DPP10: variants seen among roughly 807,000 people sequenced by gnomAD.
The protein encoded by DPP10 is dipeptidyl peptidase like 10, also known as inactive dipeptidyl peptidase 10.
In DPP10, 33 loss-of-function variants were observed where a neutral mutation model predicts 120.9. That is an observed-to-expected ratio of 0.27 (90% CI 0.21 to 0.37). DPP10 has a LOEUF of 0.37. DPP10 is among the 10% of genes least tolerant of loss of function. The pLI is 1.00. For missense variants in DPP10, 816 were observed against 942.8 expected (o/e 0.87, Z 1.76); for synonymous variants, 337 against 326.1 (o/e 1.03, Z -0.36).
intron 1 of DPP10, chr2:115,050,261 T>G (rs1364117728): frequency 2.0e-5 from 3 of 152,200 alleles, no homozygotes; most frequent in Non-Finnish European, 4.4e-5. Flanking sequence ...TTACCCTGGT[T>G]CCATCCCATA....
At position 115,246,523 on chromosome 2, in the gene DPP10, G is replaced by A. The variant is rs75239879; in HGVS notation, c.61-62716G>A. Among the ~76,000 whole-genome samples the A allele has an allele frequency of 4.3e-3, 652 of 152,268 alleles. 5 individuals carry two copies. Among genetic ancestry groups the A allele is most frequent in the African/African-American group, 0.012 (498 of 41,564 alleles). On this transcript the variant is annotated intron_variant, in intron 1 of 25. Coordinates refer to ENST00000410059, the MANE Select transcript of DPP10 (RefSeq NM_020868.6). Reference sequence around the variant, plus strand: ...ATCAGTGTGAACAAATGTATGGGCCGTAAGTGGCCTCACAGAGACAGGAGA... The same window carrying A: ...ATCAGTGTGAACAAATGTATGGGCCATAAGTGGCCTCACAGAGACAGGAGA...
intron 5 of DPP10, among the ~76,000 whole-genome samples, chr2:115,685,836 A>G (rs912263313): frequency 4.6e-5 from 7 of 152,028 alleles, no homozygotes; most frequent in Non-Finnish European, 8.8e-5. Context: ...TGGCAGGACT[A>G]AAATATGTCT....
At chr2:114,753,383 C>G (rs536730260) in intron 1 of DPP10, among the ~76,000 whole-genome samples, 1 of 152,082 alleles carries the variant, frequency 6.6e-6, no homozygotes, top group African/African-American at 2.4e-5. Context: ...TTATTTAGCC[C>G]GTATGAGCCT....
chr2:114,473,496 C>T (rs1206228817), intron 1 of DPP10, among the ~76,000 whole-genome samples: 1 of 152,114 alleles, frequency 6.6e-6, no homozygotes, highest in Non-Finnish European at 1.5e-5. Flanking sequence ...TTTTGAAGAT[C>T]AGTTTGTTTG....
intron 5 of DPP10, among the ~76,000 whole-genome samples, chr2:115,573,562 G>A (rs541812194): frequency 1.6e-4 from 24 of 146,568 alleles, no homozygotes; most frequent in Non-Finnish European, 3.1e-4. Context: ...GATTACAGGC[G>A]TGAGCCACTG....
intron 1 of DPP10, among the ~76,000 whole-genome samples, chr2:114,851,069 A>G (rs1479788653): frequency 1.3e-5 from 2 of 152,156 alleles, no homozygotes; most frequent in Non-Finnish European, 2.9e-5. Context: ...TTAATTTCGT[A>G]CCTTGACTCA....
intron 1 of DPP10, among the ~76,000 whole-genome samples, chr2:115,169,352 C>A (rs1215281151): frequency 6.6e-6 from 1 of 152,022 alleles, no homozygotes; most frequent in Non-Finnish European, 1.5e-5. Flanking sequence ...AGGATATTTT[C>A]TTCTTTTACA....
intron 5 of DPP10, among the ~76,000 whole-genome samples, chr2:115,612,266 G>T (rs2084163937): frequency 6.6e-6 from 1 of 152,062 alleles, no homozygotes; most frequent in South Asian, 2.1e-4. Flanking sequence ...ATGAGCATTT[G>T]GTGGCTATTT....
intron 1 of DPP10, among the ~76,000 whole-genome samples, chr2:114,608,531 A>G (rs145415099): frequency 8.0e-4 from 122 of 152,262 alleles, no homozygotes; most frequent in African/African-American, 2.9e-3. Context: ...CACAACCCTA[A>G]GATATAAATA....
At chr2:114,957,719 TAAAGAA>T (rs1374170521) in intron 1 of DPP10, among the ~76,000 whole-genome samples, 1 of 152,190 alleles carries the variant, frequency 6.6e-6, no homozygotes, top group African/African-American at 2.4e-5. Context: ...AATGAATGGA[TAAAGAA>T]AATGTAGTGT....
intron 1 of DPP10, among the ~76,000 whole-genome samples, chr2:114,573,422 C>T (rs914430800): frequency 6.6e-5 from 10 of 152,030 alleles, no homozygotes; most frequent in Non-Finnish European, 1.5e-4. Context: ...TAGTTCCACA[C>T]AATCAAAAGG....
At chr2:115,017,696 C>A (rs1702753938) in intron 1 of DPP10, among the ~76,000 whole-genome samples, 1 of 152,038 alleles carries the variant, frequency 6.6e-6, no homozygotes, top group Non-Finnish European at 1.5e-5. Flanking sequence ...GAGTTCATGT[C>A]CTTCATAGGG....
At chr2:115,737,222 G>T (rs1326990966) in intron 8 of DPP10, among the ~76,000 whole-genome samples, 1 of 152,170 alleles carries the variant, frequency 6.6e-6, no homozygotes, top group African/African-American at 2.4e-5. Flanking sequence ...GATGAGGAGA[G>T]GGGATGAAGC....
chr2:114,730,904 C>CT lies in DPP10; in HGVS notation c.60+288080dup, dbSNP rs1272629018. 7.8e-3 allele frequency among the ~76,000 whole-genome samples: 1,096 copies of CT among 140,358 alleles called. 8 individuals carry two copies. Among genetic ancestry groups the CT allele is most frequent in the African/African-American group, 0.022 (845 of 38,284 alleles). 92.1% of individuals were successfully genotyped at this position (140,358 alleles called of 152,430 possible). On this transcript the variant is annotated intron_variant, in intron 1 of 25. Transcript: ENST00000410059. ...TGCACCTGGTCCAGCTTTTTTTTTT[C>CT]TTTTTTTTTTTTTTAAACTTGCTGT...
At chr2:114,614,052 G>A (rs785043) in intron 1 of DPP10, among the ~76,000 whole-genome samples, 16,329 of 152,002 alleles carry the variant, frequency 0.11, 1,189 homozygotes, top group African/African-American at 0.2. Flanking sequence ...GGGTTGATAG[G>A]TGCAACAAAC....
chr2:115,659,643 A>G (rs1382990135), intron 5 of DPP10, among the ~76,000 whole-genome samples: 2 of 152,206 alleles, frequency 1.3e-5, no homozygotes, highest in Non-Finnish European at 2.9e-5. Context: ...TGGTATGTCC[A>G]TAGGTGTAAA....
chr2:114,757,517 A>C (rs1574118020), intron 1 of DPP10, among the ~76,000 whole-genome samples: 1 of 152,330 alleles, frequency 6.6e-6, no homozygotes, highest in East Asian at 1.9e-4. Context: ...GTGTTCAGGT[A>C]CCAGAGACCT....
intron 1 of DPP10, among the ~76,000 whole-genome samples, chr2:115,288,694 C>T (rs904494167): frequency 1.3e-5 from 2 of 151,914 alleles, no homozygotes; most frequent in African/African-American, 4.8e-5. Context: ...TGCACTCCAT[C>T]CTTAGTGACA....
chr2:115,407,737 C>T (rs2068630499), intron 3 of DPP10, among the ~76,000 whole-genome samples: 1 of 152,092 alleles, frequency 6.6e-6, no homozygotes, highest in Admixed American at 6.5e-5. Flanking sequence ...TTCCCCTGAG[C>T]CCAGTCCTAA....
Sources: allele counts gnomAD v4.1 joint callset (sites outside exome capture counted in the v4.1 genomes callset), GRCh38; gene constraint gnomAD v4.1.1; transcripts MANE v1.5; gene names NCBI Gene and HGNC (gene_info 2026-07-23, HGNC 2026-07-21).